RRP12: variants seen among roughly 807,000 people sequenced by gnomAD.
The protein encoded by RRP12 is RRP12-like protein.
A neutral mutation model predicts 157.3 loss-of-function variants in RRP12; 78 were observed. The ratio of observed to expected loss-of-function variants is 0.50; its 90% CI spans 0.41 to 0.60. The LOEUF (loss-of-function observed/expected upper bound fraction) is 0.60, where lower values mean the gene tolerates loss of function less well. Ranked by LOEUF, RRP12 falls within the 20% of genes least tolerant of loss-of-function variation. The probability of loss-of-function intolerance (pLI) is 0.00; values close to 1 mark genes in which losing one functional copy is unlikely to be tolerated. For synonymous variants in RRP12, 726 were observed against 670.9 expected (o/e 1.08, Z -1.27); for missense variants, 1,521 against 1,679.9 (o/e 0.91, Z 1.65).
chr10:97,367,104 T>C lies in RRP12; in HGVS notation c.2984A>G (p.Asp995Gly). The C allele has an allele frequency of 6.2e-7, 1 of 1,614,168 alleles. No homozygotes were observed. Among genetic ancestry groups the C allele is most frequent in the Non-Finnish European group, 8.5e-7 (1 of 1,180,026 alleles). ...VMEAIGKLSDDMRRHFRMKLR... is the reference protein window; with the variant it reads ...VMEAIGKLSDGMRRHFRMKLR... ...CTTCATGCGGAAGTGCCGCCGCATG[T>C]CATCTGAAAGCTTCCCAATGGCTTC... The change falls in exon 26 of 34, where the codon GAC (aspartate) becomes GGC (glycine). Residue 995 changes from aspartate to glycine, a missense_variant. Coordinates refer to ENST00000370992, the MANE Select transcript of RRP12 (RefSeq NM_015179.4).
At chr10:97,396,456 C>T (rs1418877813) in intron 2 of RRP12, among the ~76,000 whole-genome samples, 155 bp from the exon 3 acceptor site, 1 of 152,156 alleles carries the variant, frequency 6.6e-6, no homozygotes, top group Non-Finnish European at 1.5e-5. Context: ...ACCAGGGGGC[C>T]CAGCAAATAA....
rs1301448378 is a variant in RRP12, at chr10:97,371,064, C to T, written c.2361G>A (p.Val787=). ...RPYLESKAHG[V]QKKAYRVLEE... ...CCAGCACTCGGTAGGCCTTCTTCTG[C>T]ACCCCGTGGGCCTTGCTCTGGCAGA... Residue 787 remains valine (V), a synonymous_variant, in exon 21 of 34, where the codon GTG becomes GTA. Coordinates refer to ENST00000370992, the MANE Select transcript of RRP12 (RefSeq NM_015179.4). The T allele has an allele frequency of 3.7e-6, 6 of 1,613,514 alleles. No homozygotes were observed. Among genetic ancestry groups the T allele is most frequent in the Admixed American group, 1.7e-5 (1 of 59,968 alleles).
chr10:97,365,274 T>C (rs1270876896), intron 29 of RRP12, among the ~76,000 whole-genome samples: 1 of 144,192 alleles, frequency 6.9e-6, no homozygotes, highest in Admixed American at 6.9e-5. Context: ...ACCTAGGTGT[T>C]TTTTTTTTTT....
chr10:97,398,408 C>T (rs1388766923), intron 2 of RRP12, among the ~76,000 whole-genome samples: 1 of 142,582 alleles, frequency 7.0e-6, no homozygotes, highest in Admixed American at 7.3e-5. Flanking sequence ...GGCTGAAGCG[C>T]AGTGGTGCGA....
chr10:97,373,633 G>T lies in RRP12; in HGVS notation c.1968C>A (p.Asp656Glu). 1.2e-6 allele frequency: 2 copies of T among 1,613,538 alleles called. No individual in the cohort carries two copies. The highest frequency in any genetic ancestry group is 1.7e-6 in the Non-Finnish European group (2 of 1,179,878). Residue 656 changes from aspartate (D) to glutamate (E), a missense_variant, in exon 17 of 34, where the codon GAC becomes GAA. By Grantham distance (45) the Asp-to-Glu change is conservative. Coordinates refer to ENST00000370992, the MANE Select transcript of RRP12 (RefSeq NM_015179.4). ...TLGMAISERP[D>E]LRVTVCQALR... ...GGGCCTGGCACACGGTGACCCTCAG[G>T]TCTGGACGCTCGCTGATGGCCATGC...
chr10:97,373,980 G>A (rs771833617), intron 15 of RRP12, 86 bp from the exon 16 acceptor site: 1 of 1,092,354 alleles, frequency 9.2e-7, no homozygotes, highest in Non-Finnish European at 1.4e-6. Context: ...AAAGCCCAAT[G>A]ATGAGGACAG....
chr10:97,370,222 C>A lies in RRP12; in HGVS notation c.2742G>T (p.Val914=). 6.2e-7 allele frequency: 1 copy of A among 1,606,118 alleles called. No homozygotes were observed. The highest frequency in any genetic ancestry group is 1.1e-5 in the South Asian group (1 of 89,352). The stretch of plus-strand genomic sequence containing the variant: ...CCAGGATGCTGCAGCTGACCATGGT[C>A]ACCGCGCCCACCAGGCCAGGGTAGA... ...VLIYPGLVGA[V]TMVSCSILAL... is the part of the protein sequence containing the mutation. The change falls in exon 24 of 34, where the codon GTG becomes GTT. Residue 914 remains valine, a synonymous_variant. Transcript: ENST00000370992.
In RRP12 at chr10:97,388,281, G is replaced by A. The variant is rs373292108; in HGVS notation, c.988C>T (p.Leu330Phe). 4.3e-6 allele frequency: 7 copies of A among 1,613,986 alleles called. No homozygotes were observed. The African/African-American group carries it at 8.0e-5, about 18-fold the overall frequency. Residue 330 changes from leucine (L) to phenylalanine (F), a missense_variant, in exon 8 of 34, where the codon CTC (leucine) becomes TTC (phenylalanine). Coordinates refer to ENST00000370992, the MANE Select transcript of RRP12 (RefSeq NM_015179.4). ...EGLVKSCSET[L>F]LRVMTLSHVL... ...TGGCTCAAGGTCATGACCCTGAGGA[G>A]AGTCTCACTGCAGCTCTTCACCAGG...
At chr10:97,364,884 G>A (rs1843931571) in intron 29 of RRP12, among the ~76,000 whole-genome samples, 1 of 152,120 alleles carries the variant, frequency 6.6e-6, no homozygotes, top group African/African-American at 2.4e-5. Context: ...AGAGAGGGGA[G>A]GGGTCCTGAC....
At chr10:97,386,973 G>A (rs922197550) in intron 8 of RRP12, among the ~76,000 whole-genome samples, 2 of 148,014 alleles carry the variant, frequency 1.4e-5, no homozygotes, top group East Asian at 2.0e-4. Flanking sequence ...CTGGGTGACA[G>A]AGCGAGACTC....
At chr10:97,374,272 C>T (rs1018860995) in intron 15 of RRP12, among the ~76,000 whole-genome samples, 6 of 152,078 alleles carry the variant, frequency 3.9e-5, no homozygotes, top group African/African-American at 7.2e-5. Context: ...CAGGCTCACG[C>T]GATCCTCCTA....
In RRP12 at chr10:97,399,930, T is replaced by G. The variant is rs1328959487; in HGVS notation, c.369+375A>C. Among the ~76,000 whole-genome samples, 3 of 148,498 alleles carry G rather than the reference T, an allele frequency of 2.0e-5. No homozygotes were observed. In the Admixed American group the frequency reaches 2.0e-4, roughly 10 times the overall value. On this transcript the variant is annotated intron_variant, in intron 2 of 33. Transcript: ENST00000370992. The stretch of plus-strand genomic sequence containing the variant: ...GAGACTCTGTCTCAAAATAAATACA[T>G]GAATTAAGTTAAATTAAAGTAAATA...
rs764729825 is a variant in RRP12 at position 97,363,861 on chromosome 10, A to G, written c.3560T>C (p.Ile1187Thr). ...TCTGCAGGAACTACTCACATTCCTG[A>G]TGATCACATCTTCCATTGGGTCAGC... ...EMADPMEDVI[I>T]RNKKHQKLKH... The change falls in exon 30 of 34, where the codon ATC becomes ACC. Residue 1187 changes from isoleucine (I) to threonine (T), a missense_variant. Physicochemically the swap from Ile to Thr is moderately conservative, Grantham distance 89 (BLOSUM62 -1). Coordinates refer to ENST00000370992, the MANE Select transcript of RRP12 (RefSeq NM_015179.4). The G allele has an allele frequency of 1.9e-6, 3 of 1,613,980 alleles. No individual in the cohort carries two copies. In the Admixed American group the frequency reaches 5.0e-5, roughly 27 times the overall value.
At chr10:97,358,272 G>A (rs368404023) in intron 33 of RRP12, among the ~76,000 whole-genome samples, 35 of 152,202 alleles carry the variant, frequency 2.3e-4, no homozygotes, top group Middle Eastern at 6.8e-3. Flanking sequence ...GGCAGAGATT[G>A]CAGTGAGCCA....
At chr10:97,367,882 C>T (rs1322101557) in intron 25 of RRP12, among the ~76,000 whole-genome samples, 2 of 152,134 alleles carry the variant, frequency 1.3e-5, no homozygotes, top group African/African-American at 2.4e-5. Context: ...CAGGTGCCTG[C>T]TATCACGCCT....
At chr10:97,382,583 A>G (rs1844501307) in intron 10 of RRP12, among the ~76,000 whole-genome samples, 2 of 152,186 alleles carry the variant, frequency 1.3e-5, no homozygotes, top group African/African-American at 4.8e-5. Flanking sequence ...AAGTCAAATA[A>G]CTTGCCCAAG....
intron 17 of RRP12, 68 bp downstream of exon 17, chr10:97,373,507 A>G (rs1844217177): frequency 6.8e-7 from 1 of 1,475,952 alleles, no homozygotes; most frequent in Non-Finnish European, 9.1e-7. Context: ...GGAGTGTAGC[A>G]AGCCAGGGGA....
intron 13 of RRP12, 37 bp from the exon 14 acceptor site, chr10:97,379,807 C>T (rs368541883): frequency 2.9e-5 from 46 of 1,561,206 alleles, no homozygotes; most frequent in Non-Finnish European, 3.8e-5. Context: ...TCAAGACATG[C>T]TCGAAAGCAG....
At chr10:97,372,209 G>A in intron 19 of RRP12, 43 bp from the exon 20 acceptor site, 2 of 1,499,106 alleles carry the variant, frequency 1.3e-6, no homozygotes, top group African/African-American at 2.7e-5. Flanking sequence ...GGGAGCTGGA[G>A]AAGGGCGCAG....
Sources: allele counts gnomAD v4.1 joint callset (sites outside exome capture counted in the v4.1 genomes callset), GRCh38; gene constraint gnomAD v4.1.1; transcripts MANE v1.5; gene names NCBI Gene and HGNC (gene_info 2026-07-23, HGNC 2026-07-21).